PRKCE: variants seen among roughly 807,000 people sequenced by gnomAD.
PRKCE encodes the protein protein kinase C epsilon type.
A neutral mutation model predicts 85.4 loss-of-function variants in PRKCE; 16 were observed. The ratio of observed to expected loss-of-function variants is 0.19; its 90% CI spans 0.13 to 0.28. The LOEUF is 0.28. Among genes scored for constraint, PRKCE ranks in the 10% least tolerant of loss-of-function variants. PRKCE has a pLI of 1.00. For synonymous variants in PRKCE, 388 were observed against 371.5 expected (o/e 1.04, Z -0.51); for missense variants, 573 against 975.2 (o/e 0.59, Z 5.49).
chr2:45,909,982 T>C (rs1044356348), intron 2 of PRKCE, among the ~76,000 whole-genome samples: 1 of 152,096 alleles, frequency 6.6e-6, no homozygotes, highest in Non-Finnish European at 1.5e-5. Flanking sequence ...CTTCTGCTTA[T>C]GTGCAAGGTA....
intron 1 of PRKCE, among the ~76,000 whole-genome samples, chr2:45,798,116 G>A (rs1687584242): frequency 6.6e-6 from 1 of 152,124 alleles, no homozygotes; most frequent in Admixed American, 6.5e-5. Flanking sequence ...CTCCTGCCTT[G>A]ATCTCAAGGA....
intron 10 of PRKCE, among the ~76,000 whole-genome samples, chr2:46,015,477 G>T (rs1366069918): frequency 6.6e-6 from 1 of 152,146 alleles, no homozygotes; most frequent in Non-Finnish European, 1.5e-5. Context: ...AGGAAACAAA[G>T]GGTGAACTAG....
chr2:46,108,409 A>C (rs1671949227), intron 11 of PRKCE, among the ~76,000 whole-genome samples: 1 of 152,230 alleles, frequency 6.6e-6, no homozygotes, highest in African/African-American at 2.4e-5. Context: ...TCAGACACAG[A>C]ACAACAAATA....
intron 2 of PRKCE, among the ~76,000 whole-genome samples, chr2:45,885,157 T>C (rs921695915): frequency 6.6e-6 from 1 of 151,926 alleles, no homozygotes; most frequent in Admixed American, 6.6e-5. Flanking sequence ...AAGCAGCTAG[T>C]GGCTCAGAGC....
chr2:45,894,111 G>A (rs1049654193), intron 2 of PRKCE, among the ~76,000 whole-genome samples: 2 of 152,138 alleles, frequency 1.3e-5, no homozygotes, highest in African/African-American at 4.8e-5. Flanking sequence ...TGTCGCACAG[G>A]GTTGGCACAC....
intron 2 of PRKCE, among the ~76,000 whole-genome samples, chr2:45,956,359 T>C (rs1180366327): frequency 3.3e-5 from 5 of 152,132 alleles, no homozygotes; most frequent in Non-Finnish European, 5.9e-5. Flanking sequence ...TGCTTGATTA[T>C]GTATGGTAAG....
chr2:46,100,588 C>A lies in PRKCE; in HGVS notation c.1592+14226C>A, dbSNP rs549283202. Among the ~76,000 whole-genome samples, 4 of 152,304 alleles carry A rather than the reference C, an allele frequency of 2.6e-5. No individual in the cohort carries two copies. The South Asian group carries it at 8.3e-4, about 32-fold the overall frequency. ...TGGGGCATCTCTCATGAAGTCCCCT[C>A]CCGTGTTGGAAATCTGCTCATGCAA... On this transcript the variant is annotated intron_variant, in intron 11 of 14. Transcript: ENST00000306156.
At chr2:45,798,110 T>A (rs1687583870) in intron 1 of PRKCE, among the ~76,000 whole-genome samples, 1 of 152,186 alleles carries the variant, frequency 6.6e-6, no homozygotes, top group Non-Finnish European at 1.5e-5. Context: ...TACTTTCTCC[T>A]GCCTTGATCT....
At chr2:45,733,358 C>T (rs557069477) in intron 1 of PRKCE, among the ~76,000 whole-genome samples, 5 of 152,174 alleles carry the variant, frequency 3.3e-5, no homozygotes, top group Admixed American at 3.3e-4. Flanking sequence ...ATTCGAGGAG[C>T]TTGGGATATG....
At position 46,159,227 on chromosome 2, in the gene PRKCE, AG is replaced by A. The variant is rs971767803; in HGVS notation, c.1921-374del. On this transcript the variant is annotated intron_variant, in intron 13 of 14. Coordinates refer to ENST00000306156, the MANE Select transcript of PRKCE (RefSeq NM_005400.3). This position sits in a 1 kb window ranked among gnomAD's most constrained non-coding sequence, Gnocchi z 4.1. ...CCTGATGAGAAGACCTGAGAATCTG[AG>A]GGGGATCACAGAGTCAGTAAGAGCC... is the stretch of plus-strand genomic sequence containing the variant. 2.0e-5 allele frequency among the ~76,000 whole-genome samples: 3 copies of A among 152,182 alleles called. No homozygotes were observed. Among genetic ancestry groups the A allele is most frequent in the Non-Finnish European group, 4.4e-5 (3 of 68,028 alleles).
chr2:45,968,412 C>G (rs1363251234), intron 2 of PRKCE, among the ~76,000 whole-genome samples: 1 of 152,096 alleles, frequency 6.6e-6, no homozygotes, highest in Admixed American at 6.5e-5. Context: ...CACTTAAAAG[C>G]AGGAGCTAAG....
chr2:46,166,023 G>T (rs989693504), intron 14 of PRKCE, among the ~76,000 whole-genome samples: 6 of 152,200 alleles, frequency 3.9e-5, no homozygotes, highest in Non-Finnish European at 7.3e-5. Context: ...CTCAGGCCCG[G>T]TGACATAGAG....
At chr2:45,746,111 T>A (rs1683116858) in intron 1 of PRKCE, among the ~76,000 whole-genome samples, 1 of 152,196 alleles carries the variant, frequency 6.6e-6, no homozygotes, top group African/African-American at 2.4e-5. Context: ...TTCCCCTCCT[T>A]TTCCCTGCCC....
At position 46,061,563 on chromosome 2, in the gene PRKCE, T is replaced by A. The variant is rs114185904; in HGVS notation, c.1438-24645T>A. ...ATTTCTGGCTATTTTAGTAATAGAA[T>A]CCTTCCTTAATATGAATCCTGCAGA... On this transcript the variant is annotated intron_variant, in intron 10 of 14. Coordinates refer to ENST00000306156, the MANE Select transcript of PRKCE (RefSeq NM_005400.3). Among the ~76,000 whole-genome samples, 742 of 152,310 alleles carry A rather than the reference T, an allele frequency of 4.9e-3. 9 individuals carry two copies. The highest frequency in any genetic ancestry group is 0.017 in the African/African-American group (716 of 41,570).
At chr2:45,819,916 C>G (rs749606427) in intron 1 of PRKCE, among the ~76,000 whole-genome samples, 43 of 152,176 alleles carry the variant, frequency 2.8e-4, no homozygotes, top group Non-Finnish European at 5.9e-5. Flanking sequence ...GGGGCTGTGT[C>G]ATTGCACAGC....
chr2:46,132,709 C>T (rs759591868), intron 11 of PRKCE, among the ~76,000 whole-genome samples: 1 of 152,190 alleles, frequency 6.6e-6, no homozygotes, highest in Non-Finnish European at 1.5e-5. Context: ...TGCACACGTG[C>T]GCGCACAAAC....
chr2:45,784,457 G>A (rs1191340358), intron 1 of PRKCE, among the ~76,000 whole-genome samples: 1 of 152,192 alleles, frequency 6.6e-6, no homozygotes, highest in Non-Finnish European at 1.5e-5. Context: ...AGAAACTTTG[G>A]CAAATCAGTG....
At chr2:45,679,841 T>G (rs192227887) in intron 1 of PRKCE, among the ~76,000 whole-genome samples, 61 of 152,298 alleles carry the variant, frequency 4.0e-4, no homozygotes, top group African/African-American at 1.4e-3. Flanking sequence ...CTGGTTCAGC[T>G]TGGCTCTTCC....
chr2:45,916,425 G>T (rs1697784251), intron 2 of PRKCE, among the ~76,000 whole-genome samples: 1 of 152,084 alleles, frequency 6.6e-6, no homozygotes, highest in South Asian at 2.1e-4. Context: ...AAAATTTCAT[G>T]TGTGGAGATG....
Sources: allele counts gnomAD v4.1 joint callset (sites outside exome capture counted in the v4.1 genomes callset), GRCh38; gene constraint gnomAD v4.1.1; non-coding constraint Gnocchi (gnomAD v3.1); transcripts MANE v1.5; gene names NCBI Gene and HGNC (gene_info 2026-07-23, HGNC 2026-07-21).